HDAC9: variants seen among roughly 807,000 people sequenced by gnomAD.
HDAC9 encodes histone deacetylase 9.
Under a neutral mutation model 139.4 loss-of-function variants are expected in HDAC9, and 41 were observed. The observed-to-expected ratio is 0.29, with a 90% CI of 0.23 to 0.38. HDAC9 has a LOEUF of 0.38. Among genes scored for constraint, HDAC9 ranks in the 10% least tolerant of loss-of-function variants. The probability of loss-of-function intolerance (pLI) is 1.00; values close to 1 mark genes in which losing one functional copy is unlikely to be tolerated. For missense variants in HDAC9, 1,147 were observed against 1,297.0 expected (o/e 0.88, Z 1.78); for synonymous variants, 517 against 476.2 (o/e 1.09, Z -1.12).
intron 9 of HDAC9, among the ~76,000 whole-genome samples, chr7:18,645,057 GA>G (rs761673557): frequency 5.3e-5 from 8 of 151,962 alleles, no homozygotes; most frequent in Admixed American, 6.6e-5. Context: ...GCACTTTCCA[GA>G]TATATTATTT....
chr7:18,141,280 C>G (rs1785881246), intron 1 of HDAC9, among the ~76,000 whole-genome samples: 1 of 152,068 alleles, frequency 6.6e-6, no homozygotes, highest in Non-Finnish European at 1.5e-5. Context: ...ACATTTTTTC[C>G]CTTTATCTGG....
chr7:18,121,838 G>T (rs59418070), intron 1 of HDAC9, among the ~76,000 whole-genome samples: 6,625 of 152,252 alleles, frequency 0.044, 183 homozygotes, highest in Non-Finnish European at 0.06. Flanking sequence ...GATAAAAAAG[G>T]TTATTATTGA....
chr7:18,555,813 A>G (rs1056872428), intron 2 of HDAC9, among the ~76,000 whole-genome samples: 4 of 152,228 alleles, frequency 2.6e-5, no homozygotes, highest in South Asian at 2.1e-4. Context: ...TAATTATTGT[A>G]GGTCTGTATT....
chr7:18,868,136 GTCT>G (rs1200237042), intron 21 of HDAC9, among the ~76,000 whole-genome samples: 2 of 151,966 alleles, frequency 1.3e-5, no homozygotes, highest in African/African-American at 4.8e-5. Flanking sequence ...ATACAACATG[GTCT>G]TCTTATATGC....
At chr7:18,456,467 C>T (rs1290581039) in intron 1 of HDAC9, among the ~76,000 whole-genome samples, 1 of 152,078 alleles carries the variant, frequency 6.6e-6, no homozygotes, top group African/African-American at 2.4e-5. Context: ...AACTCTTGAC[C>T]TCAGGTATCC....
intron 1 of HDAC9, among the ~76,000 whole-genome samples, chr7:18,088,539 T>G (rs1583965322): frequency 6.6e-6 from 1 of 152,356 alleles, no homozygotes; most frequent in East Asian, 1.9e-4. Context: ...CTGGATGTTT[T>G]CTGATGCCCC....
chr7:18,660,179 G>C (rs1792672211), intron 11 of HDAC9, among the ~76,000 whole-genome samples: 1 of 152,144 alleles, frequency 6.6e-6, no homozygotes, highest in African/African-American at 2.4e-5. Context: ...AGTTTTCCTT[G>C]CTGAAGTTAA....
At chr7:18,127,904 A>C (rs995147933) in intron 1 of HDAC9, among the ~76,000 whole-genome samples, 1 of 146,532 alleles carries the variant, frequency 6.8e-6, no homozygotes, top group Non-Finnish European at 1.5e-5. Flanking sequence ...ATTTTCGTGC[A>C]TTTAAAAAAA....
In HDAC9 at chr7:18,963,194, G is replaced by A. The variant is rs186525082; in HGVS notation, c.3022+8964G>A. Reference sequence around the variant, plus strand: ...ATAAGCTGAAATTTAATAAGGAGCAGTAAGCAACACAAAAATGGGGAATAT... The same window carrying A: ...ATAAGCTGAAATTTAATAAGGAGCAATAAGCAACACAAAAATGGGGAATAT... On this transcript the variant is annotated intron_variant, in intron 24 of 25. Coordinates refer to ENST00000686413, the MANE Select transcript of HDAC9 (RefSeq NM_178425.4). Among the ~76,000 whole-genome samples the A allele has an allele frequency of 2.5e-3, 383 of 152,282 alleles. 3 individuals carry two copies. The highest frequency in any genetic ancestry group is 8.7e-3 in the African/African-American group (362 of 41,570).
chr7:18,454,557 C>T (rs1433028394), intron 1 of HDAC9, among the ~76,000 whole-genome samples: 1 of 151,782 alleles, frequency 6.6e-6, no homozygotes, highest in East Asian at 1.9e-4. Flanking sequence ...AGAGTAAGCT[C>T]AACATAATAT....
intron 2 of HDAC9, among the ~76,000 whole-genome samples, chr7:18,509,635 C>T (rs1800857164): frequency 6.6e-6 from 1 of 152,300 alleles, no homozygotes; most frequent in East Asian, 1.9e-4. Context: ...TCCAACTGGT[C>T]ATCACTGGGG....
chr7:18,757,547 A>G (rs1788986398), intron 14 of HDAC9, among the ~76,000 whole-genome samples: 1 of 152,124 alleles, frequency 6.6e-6, no homozygotes, highest in South Asian at 2.1e-4. Flanking sequence ...CTGCTTTTTC[A>G]TGCATTTTAT....
chr7:18,358,461 A>G (rs1290677355), intron 1 of HDAC9, among the ~76,000 whole-genome samples: 2 of 152,250 alleles, frequency 1.3e-5, no homozygotes, highest in African/African-American at 2.4e-5. Context: ...TTTTGGAAAC[A>G]TGAATATCTT....
intron 1 of HDAC9, among the ~76,000 whole-genome samples, chr7:18,381,198 CAAAAAAAAAA>C (rs60825586): frequency 8.2e-5 from 6 of 73,334 alleles, no homozygotes; most frequent in Non-Finnish European, 1.4e-4. Flanking sequence ...GACTCTGTCT[CAAAAAAAAAA>C]AAAAAAAAAA....
At chr7:18,421,384 G>A (rs895130354) in intron 1 of HDAC9, among the ~76,000 whole-genome samples, 2 of 148,854 alleles carry the variant, frequency 1.3e-5, no homozygotes, top group Admixed American at 6.9e-5. Flanking sequence ...AGGGATGGAA[G>A]GAGAAAGGGA....
At chr7:18,523,862 TGAG>T (rs1214623802) in intron 2 of HDAC9, among the ~76,000 whole-genome samples, 2 of 151,956 alleles carry the variant, frequency 1.3e-5, no homozygotes, top group Non-Finnish European at 2.9e-5. Context: ...AAGAGACAGA[TGAG>T]GAGATTTAAA....
chr7:18,600,539 A>G (rs898514666), intron 6 of HDAC9, among the ~76,000 whole-genome samples: 3 of 152,216 alleles, frequency 2.0e-5, no homozygotes, highest in Admixed American at 2.0e-4. Flanking sequence ...TGAAGAGACT[A>G]TCATCCTTTC....
intron 1 of HDAC9, among the ~76,000 whole-genome samples, chr7:18,344,138 A>C (rs1782223495): frequency 6.6e-6 from 1 of 151,902 alleles, no homozygotes; most frequent in Non-Finnish European, 1.5e-5. Context: ...GTAATGTGAA[A>C]AATTAGGGTA....
chr7:18,338,062 T>C (rs1451335494), intron 1 of HDAC9, among the ~76,000 whole-genome samples: 4 of 151,762 alleles, frequency 2.6e-5, no homozygotes, highest in Admixed American at 6.6e-5. Flanking sequence ...TGTTTTGATA[T>C]TTAAATCTAC....
Sources: allele counts gnomAD v4.1 joint callset (sites outside exome capture counted in the v4.1 genomes callset), GRCh38; gene constraint gnomAD v4.1.1; transcripts MANE v1.5; gene names NCBI Gene and HGNC (gene_info 2026-07-23, HGNC 2026-07-21).